CFAP46: variants seen among roughly 807,000 people sequenced by gnomAD.
CFAP46 encodes the protein cilia- and flagella-associated protein 46.
A neutral mutation model predicts 325.7 loss-of-function variants in CFAP46; 245 were observed. That is an observed-to-expected ratio of 0.75 (90% CI 0.68 to 0.84). The LOEUF (loss-of-function observed/expected upper bound fraction) is 0.84. Ranked by LOEUF, CFAP46 falls within the 40% of genes least tolerant of loss-of-function variation. The pLI is 0.00. For missense variants in CFAP46, 3,346 were observed against 3,543.0 expected (o/e 0.94, Z 1.41); for synonymous variants, 1,523 against 1,495.9 (o/e 1.02, Z -0.42).
chr10:132,920,121 GGT>G lies in CFAP46; in HGVS notation c.1666_1667del (p.Thr556ArgfsTer52), dbSNP rs1564801095. On this transcript the variant is annotated frameshift_variant, in exon 14 of 58. Transcript: ENST00000368586. LOFTEE classifies it high-confidence loss of function. ...TYLCAKAWHH[T>X]VSVDKAAGHL... The stretch of plus-strand genomic sequence containing the variant: ...GCCCGGCAGCTTTGTCCACGCTGAC[GGT>G]GTGGTGCCACGCCTTCGCACAGAGG... 2 of 1,549,240 alleles carry G rather than the reference GGT, an allele frequency of 1.3e-6. No individual in the cohort carries two copies. Among genetic ancestry groups the G allele is most frequent in the African/African-American group, 1.4e-5 (1 of 72,982 alleles).
rs776876237 is a variant in CFAP46 at position 132,899,539 on chromosome 10, C to T, written c.3052G>A (p.Ala1018Thr). Residue 1018 changes from alanine to threonine, a missense_variant, in exon 23 of 58, where the codon GCC becomes ACC. By Grantham distance (58) the Ala-to-Thr change is moderately conservative. Coordinates refer to ENST00000368586, the MANE Select transcript of CFAP46 (RefSeq NM_001200049.3). ...LVAAKAFTES[A>T]RFGGIAGSSA... ...CAGCCCCTTAGAGCCACACACCTGGCGCTCTCCGTGAAGGCCTTGGCTGCC... is the reference window on the plus strand; with the variant it reads ...CAGCCCCTTAGAGCCACACACCTGGTGCTCTCCGTGAAGGCCTTGGCTGCC... The T allele has an allele frequency of 5.2e-5, 80 of 1,546,634 alleles. No individual in the cohort carries two copies. Among genetic ancestry groups the T allele is most frequent in the Admixed American group, 3.3e-4 (17 of 50,858 alleles).
At chr10:132,925,889 C>A (rs528786301) in intron 10 of CFAP46, among the ~76,000 whole-genome samples, 65 of 152,342 alleles carry the variant, frequency 4.3e-4, no homozygotes, top group African/African-American at 1.5e-3. Context: ...CTGTACCCAG[C>A]GGAGCCTCGC....
intron 7 of CFAP46, 74 bp downstream of exon 7, chr10:132,936,887 T>C (rs1850016367): frequency 2.4e-6 from 2 of 832,692 alleles, no homozygotes; most frequent in Non-Finnish European, 3.6e-6. Flanking sequence ...CCTCCCCCCA[T>C]GGAGGGGACA....
chr10:132,913,292 G>T, intron 17 of CFAP46, 34 bp from the exon 18 acceptor site: 1 of 1,537,306 alleles, frequency 6.5e-7, no homozygotes, highest in Non-Finnish European at 8.8e-7. Flanking sequence ...CCTTAATGCA[G>T]GGTCCCCAGC....
chr10:132,834,775 C>G lies in CFAP46; in HGVS notation c.6745G>C (p.Glu2249Gln), dbSNP rs12356978. The stretch of plus-strand genomic sequence containing the variant: ...TCTTCCACCTGCAGGCCTTCTGGTT[C>G]CTACCGCAATCCAAAAAAGAGGCCC... The part of the protein sequence containing the change: ...SEDMALNIGS[E>Q]PEGLQVEEKE... The change falls in exon 48 of 58, where the codon GAA becomes CAA. Residue 2249 changes from glutamate (E) to glutamine (Q), a missense_variant and splice_region_variant. Glu to Gln is a conservative substitution (Grantham distance 29). Coordinates refer to ENST00000368586, the MANE Select transcript of CFAP46 (RefSeq NM_001200049.3). 1.9e-6 allele frequency: 3 copies of G among 1,609,478 alleles called. No individual in the cohort carries two copies. In the South Asian group the frequency reaches 3.3e-5, roughly 18 times the overall value.
At chr10:132,846,302 G>C in intron 43 of CFAP46, 75 bp from the exon 44 acceptor site, 2 of 1,474,302 alleles carry the variant, frequency 1.4e-6, no homozygotes, top group Non-Finnish European at 1.8e-6. Flanking sequence ...CGGAGGGTGC[G>C]CAGCAGCTGC....
intron 20 of CFAP46, among the ~76,000 whole-genome samples, chr10:132,909,511 G>A (rs1591084937): frequency 1.3e-5 from 2 of 152,212 alleles, no homozygotes; most frequent in Non-Finnish European, 2.9e-5. Context: ...GGACCAGTGG[G>A]CCTGACATGG....
chr10:132,932,780 A>C (rs1429801783), intron 8 of CFAP46, among the ~76,000 whole-genome samples: 3 of 152,286 alleles, frequency 2.0e-5, no homozygotes. Flanking sequence ...ACAGTGCTCC[A>C]GACAACTTCA....
intron 57 of CFAP46, among the ~76,000 whole-genome samples, chr10:132,809,171 C>T (rs773688917): frequency 1.3e-5 from 2 of 152,302 alleles, no homozygotes; most frequent in Middle Eastern, 3.4e-3. Context: ...CTTGGCCAGG[C>T]GAGCTGCTCT....
Position 132,821,406 on chromosome 10 carries a change from G to C in CFAP46, c.7118-6492C>G, listed in dbSNP as rs1366652025. 5.1e-5 allele frequency among the ~76,000 whole-genome samples: 7 copies of C among 136,734 alleles called. No homozygotes were observed. In the South Asian group the frequency reaches 1.2e-3, roughly 23 times the overall value. 89.7% of individuals were successfully genotyped at this position (136,734 alleles called of 152,430 possible). A position where few individuals can be genotyped will look rare whatever the true frequency, so the allele number is the denominator to read the frequency against. ...CACTGATGTGTGCTGTGTGTGTGCT[G>C]TGTGCTGTGTGAGCGCTGATGTGTG... On this transcript the variant is annotated intron_variant, in intron 50 of 57. Coordinates refer to ENST00000368586, the MANE Select transcript of CFAP46 (RefSeq NM_001200049.3).
At position 132,836,846 on chromosome 10, in the gene CFAP46, C is replaced by A; in HGVS notation, c.6507G>T (p.Trp2169Cys). Reference sequence around the variant, plus strand: ...CCCCTGAGAGGTGCAGAAAGAGGATCCAAAAGGTCGGAGGCATCTCATTCA... The same window carrying A: ...CCCCTGAGAGGTGCAGAAAGAGGATACAAAAGGTCGGAGGCATCTCATTCA... Reference protein sequence around the residue: ...NLLNEMPPTFWILFLHLSGDR... With the variant: ...NLLNEMPPTFCILFLHLSGDR... The change falls in exon 45 of 58, where the codon TGG (tryptophan) becomes TGT (cysteine). Residue 2169 changes from tryptophan to cysteine, a missense_variant. Trp to Cys is a radical substitution (Grantham distance 215, BLOSUM62 -2). Coordinates refer to ENST00000368586, the MANE Select transcript of CFAP46 (RefSeq NM_001200049.3). 6.2e-7 allele frequency: 1 copy of A among 1,613,858 alleles called. No individual in the cohort carries two copies. Among genetic ancestry groups the A allele is most frequent in the Non-Finnish European group, 8.5e-7 (1 of 1,179,998 alleles).
At chr10:132,887,114 C>T (rs1849145537) in intron 25 of CFAP46, among the ~76,000 whole-genome samples, 1 of 135,892 alleles carries the variant, frequency 7.4e-6, no homozygotes, top group African/African-American at 2.8e-5. Flanking sequence ...TCCTCTTTCA[C>T]CTCTCTCTCT....
chr10:132,848,937 T>C (rs2135122677), intron 41 of CFAP46, among the ~76,000 whole-genome samples: 1 of 151,630 alleles, frequency 6.6e-6, no homozygotes, highest in South Asian at 2.1e-4. Flanking sequence ...AAAACGGGGG[T>C]TAGAGGAAAA....
chr10:132,922,173 C>A lies in CFAP46; in HGVS notation c.1537G>T (p.Val513Leu), dbSNP rs1261506798. The A allele has an allele frequency of 6.5e-6, 10 of 1,550,370 alleles. No homozygotes were observed. Among genetic ancestry groups the A allele is most frequent in the Non-Finnish European group, 8.7e-6 (10 of 1,146,960 alleles). Residue 513 changes from valine to leucine, a missense_variant, in exon 13 of 58, where the codon GTG (valine) becomes TTG (leucine). Transcript: ENST00000368586. Reference sequence around the variant, plus strand: ...GGGGCTAAGGCCAGGCCTGCATTCACCAGGAGGGCCCGCTTCTTCCTGACG... The same window carrying A: ...GGGGCTAAGGCCAGGCCTGCATTCAACAGGAGGGCCCGCTTCTTCCTGACG... ...DSVRKKRALL[V>L]NAGLALAPDA...
chr10:132,920,597 C>T (rs924530252), intron 13 of CFAP46, among the ~76,000 whole-genome samples: 20 of 152,228 alleles, frequency 1.3e-4, no homozygotes, highest in African/African-American at 4.3e-4. Flanking sequence ...TCCGAATCAC[C>T]GCTCCTTTTC....
chr10:132,878,189 TC>T, intron 29 of CFAP46, 102 bp from the exon 30 acceptor site: 1 of 1,064,004 alleles, frequency 9.4e-7, no homozygotes, highest in Non-Finnish European at 1.4e-6. Context: ...CCCGCGGGGC[TC>T]CCCAGACTCT....
rs745629179 is a variant in CFAP46 at position 132,808,855 on chromosome 10, G to A, written c.7714C>T (p.Arg2572Ter). ...AGTTGAGCGTGGTGGGAAGGAGCTC[G>A]GAGCTTTGGAGCAGCAGCAGCTTGT... ...EGQAAAAPKL[R>*]APSHHAQLGP... Residue 2572 changes from arginine to a stop codon, truncating the protein, a stop_gained, in exon 58 of 58, where the codon CGA (arginine) becomes TGA (stop). Coordinates refer to ENST00000368586, the MANE Select transcript of CFAP46 (RefSeq NM_001200049.3). LOFTEE classifies it low-confidence loss of function (END_TRUNC). This position sits in a 1 kb window ranked among gnomAD's most constrained non-coding sequence, Gnocchi z 6.8. The A allele has an allele frequency of 2.0e-5, 32 of 1,600,986 alleles. No homozygotes were observed. The highest frequency in any genetic ancestry group is 2.6e-5 in the Non-Finnish European group (30 of 1,170,810).
chr10:132,854,614 C>T lies in CFAP46; in HGVS notation c.5574+2976G>A, dbSNP rs186906691. 3.0e-4 allele frequency among the ~76,000 whole-genome samples: 46 copies of T among 152,210 alleles called. 1 individual carries two copies. Among genetic ancestry groups the T allele is most frequent in the East Asian group, 5.8e-4 (3 of 5,182 alleles). ...AGCCTCCCAAAGTGACGGGATTACA[C>T]GCATGAGCCACTGTGCCCGGCCAGC... is the stretch of plus-strand genomic sequence containing the variant. On this transcript the variant is annotated intron_variant, in intron 39 of 57. Transcript: ENST00000368586.
At chr10:132,941,351 G>A (rs893725153) in intron 3 of CFAP46, among the ~76,000 whole-genome samples, 18 of 152,330 alleles carry the variant, frequency 1.2e-4, no homozygotes, top group Admixed American at 5.9e-4. Context: ...AGCTGCAGGC[G>A]CAGATGCCAC....
Sources: gnomAD v4.1 joint callset for allele counts (sites outside exome capture counted in the v4.1 genomes callset) on GRCh38, gnomAD v4.1.1 for gene constraint, Gnocchi (gnomAD v3.1) non-coding constraint, MANE v1.5 for transcripts, NCBI Gene and HGNC (gene_info 2026-07-23, HGNC 2026-07-21) for gene names.